The following USP49 variants were observed in gnomAD, a reference collection of about 807,000 sequenced individuals.
USP49 encodes ubiquitin carboxyl-terminal hydrolase 49.
In USP49, 24 loss-of-function variants were observed where a neutral mutation model predicts 58.6. The ratio of observed to expected loss-of-function variants is 0.41; its 90% CI spans 0.30 to 0.58. The LOEUF (loss-of-function observed/expected upper bound fraction) is 0.58, where lower values mean the gene tolerates loss of function less well. USP49 is among the 20% of genes least tolerant of loss of function. USP49 has a pLI of 0.30. For missense variants in USP49, 703 were observed against 866.1 expected (o/e 0.81, Z 2.36); for synonymous variants, 408 against 365.1 (o/e 1.12, Z -1.34).
chr6:41,807,013 T>C lies in USP49; in HGVS notation c.-28-2A>G. 7.2e-7 allele frequency: 1 copy of C among 1,386,016 alleles called. No individual in the cohort carries two copies. Among genetic ancestry groups the C allele is most frequent in the Non-Finnish European group, 9.4e-7 (1 of 1,059,724 alleles). 85.9% of individuals were successfully genotyped at this position (1,386,016 alleles called of 1,614,324 possible). A position where few individuals can be genotyped will look rare whatever the true frequency, so the allele number is the denominator to read the frequency against. Reference sequence around the variant, plus strand: ...TATAGAAGTCGCCACTTTCTCAACCTGGCACGACAGAGTCCCCAAAAAAGA... The same window carrying C: ...TATAGAAGTCGCCACTTTCTCAACCCGGCACGACAGAGTCCCCAAAAAAGA... On this transcript the variant is annotated splice_acceptor_variant, in intron 3 of 7. Transcript: ENST00000682992. LOFTEE classifies it low-confidence loss of function (5UTR_SPLICE).
At chr6:41,890,709 G>A (rs1208593088) in intron 2 of USP49, among the ~76,000 whole-genome samples, 1 of 152,072 alleles carries the variant, frequency 6.6e-6, no homozygotes. Context: ...AATATATGGG[G>A]AAATTGGTAT....
intron 2 of USP49, among the ~76,000 whole-genome samples, chr6:41,882,743 C>T (rs1354515441): frequency 2.0e-5 from 3 of 152,020 alleles, no homozygotes; most frequent in Admixed American, 6.6e-5. Context: ...GGTGAAACCT[C>T]GTCTCTACTA....
At chr6:41,862,524 G>A (rs1774241193) in intron 3 of USP49, among the ~76,000 whole-genome samples, 1 of 152,046 alleles carries the variant, frequency 6.6e-6, no homozygotes, top group South Asian at 2.1e-4. Context: ...GTGTTCTAAT[G>A]AAATCAGAGT....
At chr6:41,837,215 T>G (rs1349628482) in intron 3 of USP49, among the ~76,000 whole-genome samples, 1 of 152,126 alleles carries the variant, frequency 6.6e-6, no homozygotes, top group African/African-American at 2.4e-5. Flanking sequence ...AACTATACTT[T>G]AAGGCTACAG....
chr6:41,829,593 G>A (rs1055772103), intron 3 of USP49, among the ~76,000 whole-genome samples: 4 of 152,180 alleles, frequency 2.6e-5, no homozygotes, highest in Admixed American at 6.5e-5. Flanking sequence ...GATTACAGGC[G>A]TGAGCCACCG....
intron 2 of USP49, among the ~76,000 whole-genome samples, chr6:41,880,169 T>C (rs1287053667): frequency 6.6e-6 from 1 of 151,484 alleles, no homozygotes; most frequent in East Asian, 1.9e-4. Flanking sequence ...ATTAAAAATA[T>C]GACAGCATAA....
chr6:41,892,746 C>T lies in USP49; in HGVS notation c.-184-871G>A, dbSNP rs548331567. On this transcript the variant is annotated intron_variant, in intron 1 of 7. Coordinates refer to ENST00000682992, the MANE Select transcript of USP49 (RefSeq NM_001286554.2). ...CAAAAGTGTCAATCCAAAATTTACCCAACTTTGAAAAAAAAAGTATCTTTG... is the reference window on the plus strand; with the variant it reads ...CAAAAGTGTCAATCCAAAATTTACCTAACTTTGAAAAAAAAAGTATCTTTG... Among the ~76,000 whole-genome samples, 4 of 151,916 alleles carry T rather than the reference C, an allele frequency of 2.6e-5. No homozygotes were observed. The East Asian group carries it at 7.7e-4, about 29-fold the overall frequency.
chr6:41,857,305 T>C (rs1335641047), intron 3 of USP49, among the ~76,000 whole-genome samples: 1 of 152,210 alleles, frequency 6.6e-6, no homozygotes, highest in Non-Finnish European at 1.5e-5. Flanking sequence ...GCATGTTATC[T>C]CCTTTCAGCG....
intron 3 of USP49, among the ~76,000 whole-genome samples, chr6:41,870,887 A>G (rs1315336105): frequency 6.6e-6 from 1 of 151,720 alleles, no homozygotes; most frequent in Non-Finnish European, 1.5e-5. Context: ...CCCCGTTTCT[A>G]CAAAAATACA....
At chr6:41,844,097 T>C (rs1745340800) in intron 3 of USP49, among the ~76,000 whole-genome samples, 1 of 151,884 alleles carries the variant, frequency 6.6e-6, no homozygotes, top group Non-Finnish European at 1.5e-5. Flanking sequence ...GGTGTGCCCA[T>C]GTAGTCTCAG....
chr6:41,838,135 A>G (rs1210375164), intron 3 of USP49, among the ~76,000 whole-genome samples: 1 of 152,194 alleles, frequency 6.6e-6, no homozygotes, highest in African/African-American at 2.4e-5. Flanking sequence ...TCACTCTACC[A>G]TAAAGACACA....
intron 3 of USP49, among the ~76,000 whole-genome samples, chr6:41,843,245 AT>A (rs1190526630): frequency 6.6e-6 from 1 of 152,108 alleles, no homozygotes; most frequent in African/African-American, 2.4e-5. Flanking sequence ...TGCTAGCACT[AT>A]TTTTTACAAT....
In USP49 at chr6:41,791,671, A is replaced by T. The variant is rs980296959; in HGVS notation, c.*4862T>A. Reference sequence around the variant, plus strand: ...TTAAACGAAATATGCCAGCAGAAGTATGGAATGAGTCCACAAAAATGAGTG... The same window carrying T: ...TTAAACGAAATATGCCAGCAGAAGTTTGGAATGAGTCCACAAAAATGAGTG... On this transcript the variant is annotated 3_prime_UTR_variant, in exon 8 of 8. Transcript: ENST00000682992. 6.6e-6 allele frequency: 1 copy of T among 152,262 alleles called. No individual in the cohort carries two copies. Among genetic ancestry groups the T allele is most frequent in the Non-Finnish European group, 1.5e-5 (1 of 68,054 alleles). 9.4% of individuals were successfully genotyped at this position (152,262 alleles called of 1,614,324 possible).
chr6:41,863,229 C>A (rs1367189333), intron 3 of USP49, among the ~76,000 whole-genome samples: 1 of 152,176 alleles, frequency 6.6e-6, no homozygotes, highest in African/African-American at 2.4e-5. Context: ...AAGTCAGTTA[C>A]TAAAGCCTAC....
chr6:41,837,758 G>A (rs1773752801), intron 3 of USP49, among the ~76,000 whole-genome samples: 1 of 152,020 alleles, frequency 6.6e-6, no homozygotes, highest in Admixed American at 6.6e-5. Flanking sequence ...AAATTAACAA[G>A]CAAAAAACAA....
intron 5 of USP49, 97 bp from the exon 6 acceptor site, chr6:41,800,035 T>G: frequency 9.1e-7 from 1 of 1,102,324 alleles, no homozygotes; most frequent in East Asian, 2.4e-5. Flanking sequence ...ATTCTCCATA[T>G]TTCTCAGTAT....
rs577663795 is a variant in USP49 at position 41,862,157 on chromosome 6, T to C, written c.-29+9407A>G. ...GGTTGGGTATCTATCATGGGACACT[T>C]ACACAAGTGCATCTATGACATAATT... On this transcript the variant is annotated intron_variant, in intron 3 of 7. Transcript: ENST00000682992. Among the ~76,000 whole-genome samples the C allele has an allele frequency of 2.0e-4, 31 of 152,292 alleles. 1 individual carries two copies. Among genetic ancestry groups the C allele is most frequent in the African/African-American group, 6.5e-4 (27 of 41,552 alleles).
At chr6:41,859,595 G>T (rs771760192) in intron 3 of USP49, among the ~76,000 whole-genome samples, 1 of 152,068 alleles carries the variant, frequency 6.6e-6, no homozygotes, top group Non-Finnish European at 1.5e-5. Context: ...AACAGAGCAG[G>T]AACCTAATAA....
intron 7 of USP49, 39 bp from the exon 8 acceptor site, chr6:41,796,762 C>T (rs1440025587): frequency 1.4e-6 from 1 of 708,340 alleles, no homozygotes; most frequent in South Asian, 1.5e-5. Context: ...AAATGACTAC[C>T]CAATTCATAT....
Sources: gnomAD v4.1 joint callset for allele counts (sites outside exome capture counted in the v4.1 genomes callset) on GRCh38, gnomAD v4.1.1 for gene constraint, MANE v1.5 for transcripts, NCBI Gene and HGNC (gene_info 2026-07-23, HGNC 2026-07-21) for gene names.